The following MYT1L variants were observed in gnomAD, a reference collection of about 807,000 sequenced individuals.
MYT1L encodes myelin transcription factor 1-like protein.
In MYT1L, 12 loss-of-function variants were observed where a neutral mutation model predicts 126.7. That is an observed-to-expected ratio of 0.09 (90% CI 0.06 to 0.15). MYT1L has a LOEUF of 0.15. Ranked by LOEUF, MYT1L falls within the 10% of genes least tolerant of loss-of-function variation. The pLI, the probability that MYT1L is intolerant of heterozygous loss-of-function variation, is 1.00. For synonymous variants in MYT1L, 541 were observed against 604.2 expected, an observed-to-expected ratio of 0.90 and a Z score of 1.53; for missense variants, 979 against 1,585.2, an observed-to-expected ratio of 0.62 and a Z score of 6.49.
intron 2 of MYT1L, among the ~76,000 whole-genome samples, chr2:2,229,291 A>G (rs551966568): frequency 6.6e-6 from 1 of 152,216 alleles, no homozygotes; most frequent in East Asian, 1.9e-4. Flanking sequence ...ATCCCTATAT[A>G]TAAAAATAAA....
chr2:2,308,735 T>C (rs547053402), intron 1 of MYT1L, among the ~76,000 whole-genome samples: 1 of 152,034 alleles, frequency 6.6e-6, no homozygotes, highest in South Asian at 2.1e-4. Context: ...ATATTCTACC[T>C]ACACTCTACC....
At chr2:1,873,649 C>T (rs1573083117) in intron 18 of MYT1L, among the ~76,000 whole-genome samples, 1 of 152,206 alleles carries the variant, frequency 6.6e-6, no homozygotes, top group South Asian at 2.1e-4. Flanking sequence ...TCTGGGTGCA[C>T]AGAAAGCCCC....
intron 2 of MYT1L, among the ~76,000 whole-genome samples, chr2:2,190,201 A>AG (rs2092502263): frequency 1.3e-5 from 2 of 152,138 alleles, no homozygotes; most frequent in South Asian, 4.1e-4. Context: ...TCATGCCTGT[A>AG]GTCCCAGCAC....
At position 1,840,856 on chromosome 2, in the gene MYT1L, C is replaced by A; in HGVS notation, c.2775-13G>T. The A allele has an allele frequency of 1.3e-6, 2 of 1,513,420 alleles. No homozygotes were observed. Among genetic ancestry groups the A allele is most frequent in the Non-Finnish European group, 1.8e-6 (2 of 1,116,202 alleles). The allele number at this position is 1,513,420 out of a possible 1,614,324, so 93.7% of individuals were successfully genotyped here. A position where few individuals can be genotyped will look rare whatever the true frequency, so the allele number is the denominator to read the frequency against. ...GCAACCTGAAAGGCTAAATAAGAAA[C>A]ACATTTCAGAAAGCACCCCACACCG... On this transcript the variant is annotated splice_polypyrimidine_tract_variant and intron_variant, in intron 19 of 24. Transcript: ENST00000647738.
chr2:2,083,995 G>T (rs2076107841), intron 3 of MYT1L, among the ~76,000 whole-genome samples: 1 of 151,768 alleles, frequency 6.6e-6, no homozygotes, highest in East Asian at 2.0e-4. Context: ...GTAAGCCCAT[G>T]TGCTGATGCC....
At chr2:1,951,213 T>C (rs528576679) in intron 8 of MYT1L, among the ~76,000 whole-genome samples, 1 of 152,190 alleles carries the variant, frequency 6.6e-6, no homozygotes, top group East Asian at 1.9e-4. Flanking sequence ...AAGTGTTGGT[T>C]TGGGGCAGTC....
At chr2:2,109,813 GA>G (rs1359008789) in intron 3 of MYT1L, among the ~76,000 whole-genome samples, 2 of 135,186 alleles carry the variant, frequency 1.5e-5, no homozygotes, top group African/African-American at 2.8e-5. Context: ...TGCACACAAA[GA>G]AAAAACTAGC....
intron 1 of MYT1L, among the ~76,000 whole-genome samples, chr2:2,292,077 C>T (rs552824088): frequency 6.6e-6 from 1 of 152,276 alleles, no homozygotes; most frequent in South Asian, 2.1e-4. Flanking sequence ...CTCTGCTTCC[C>T]TCTGTTGGTG....
chr2:2,008,084 G>A (rs1434892799), intron 4 of MYT1L, among the ~76,000 whole-genome samples: 2 of 152,142 alleles, frequency 1.3e-5, no homozygotes, highest in African/African-American at 4.8e-5. Context: ...ATGGCTCCAT[G>A]TGGACCCCCC....
Position 1,791,632 on chromosome 2 carries a change from C to T in MYT1L, c.*235G>A. On this transcript the variant is annotated 3_prime_UTR_variant, in exon 25 of 25. Coordinates refer to ENST00000647738, the MANE Select transcript of MYT1L (RefSeq NM_001303052.2). The surrounding 1 kb of genome is among the most constrained non-coding windows in gnomAD (Gnocchi z 6.0). ...CATACATCAGCAGCTATAAACATTACATGGCAGAACACTATGTCAGCTTAC... is the reference window on the plus strand; with the variant it reads ...CATACATCAGCAGCTATAAACATTATATGGCAGAACACTATGTCAGCTTAC... The T allele has an allele frequency of 2.0e-6, 1 of 489,718 alleles. No homozygotes were observed. The highest frequency in any genetic ancestry group is 3.2e-5 in the South Asian group (1 of 31,088). The allele number at this position is 489,718 out of a possible 1,614,324, so 30.3% of individuals were successfully genotyped here.
chr2:2,189,514 CT>C (rs1038343698), intron 2 of MYT1L, among the ~76,000 whole-genome samples: 53 of 152,236 alleles, frequency 3.5e-4, no homozygotes, highest in African/African-American at 1.0e-3. Flanking sequence ...CAATAAATGT[CT>C]TTTTTATGGA....
At chr2:2,221,191 G>C (rs1367282635) in intron 2 of MYT1L, among the ~76,000 whole-genome samples, 1 of 152,156 alleles carries the variant, frequency 6.6e-6, no homozygotes, top group African/African-American at 2.4e-5. Context: ...ACTTTGGAAC[G>C]CTTCCTGAAG....
At chr2:2,248,109 G>A (rs571468276) in intron 2 of MYT1L, among the ~76,000 whole-genome samples, 6 of 150,274 alleles carry the variant, frequency 4.0e-5, no homozygotes, top group African/African-American at 1.5e-4. Context: ...TTTTAAAAAG[G>A]TAAACAAAAC....
chr2:2,105,983 T>C (rs2078705175), intron 3 of MYT1L, among the ~76,000 whole-genome samples: 1 of 152,136 alleles, frequency 6.6e-6, no homozygotes, highest in Admixed American at 6.5e-5. Context: ...TGCATTTCTT[T>C]AAAGCACGTG....
intron 2 of MYT1L, among the ~76,000 whole-genome samples, chr2:2,214,908 A>G (rs2093635492): frequency 1.3e-5 from 2 of 152,218 alleles, no homozygotes; most frequent in Admixed American, 1.3e-4. Context: ...ATATAAAAAT[A>G]AAATGTATGA....
chr2:1,909,663 ATTC>A (rs2051614554), intron 13 of MYT1L, among the ~76,000 whole-genome samples: 1 of 152,162 alleles, frequency 6.6e-6, no homozygotes, highest in Non-Finnish European at 1.5e-5. Flanking sequence ...CCACTGTAAC[ATTC>A]GGGTCAGTCA....
In MYT1L at chr2:1,809,020, C is replaced by T. The variant is rs76779761; in HGVS notation, c.3172+56G>A. 108,715 of 1,506,714 alleles carry T rather than the reference C, an allele frequency of 0.072. 4,337 individuals are homozygous for T. The highest frequency in any genetic ancestry group is 0.11 in the African/African-American group (8,188 of 72,872). The allele number at this position is 1,506,714 out of a possible 1,614,324, so 93.3% of individuals were successfully genotyped here. A position where few individuals can be genotyped will look rare whatever the true frequency, so the allele number is the denominator to read the frequency against. On this transcript the variant is annotated intron_variant, in intron 22 of 24. Coordinates refer to ENST00000647738, the MANE Select transcript of MYT1L (RefSeq NM_001303052.2). ...TCAAAGGACACACAGCTGGCATGGC[C>T]GTGCCCGCTGGGCCTTCCTGACCAT...
intron 3 of MYT1L, among the ~76,000 whole-genome samples, chr2:2,148,555 T>C (rs751151226): frequency 1.3e-5 from 2 of 152,188 alleles, no homozygotes; most frequent in Non-Finnish European, 2.9e-5. Flanking sequence ...ATGAGTATAA[T>C]AGGTGTTCCC....
intron 18 of MYT1L, among the ~76,000 whole-genome samples, chr2:1,880,464 A>G (rs1260611797): frequency 6.6e-6 from 1 of 152,168 alleles, no homozygotes. Context: ...CAGCCTCCTG[A>G]GTAGCTAGAA....
Sources: gnomAD v4.1 joint callset for allele counts (sites outside exome capture counted in the v4.1 genomes callset) on GRCh38, gnomAD v4.1.1 for gene constraint, Gnocchi (gnomAD v3.1) non-coding constraint, MANE v1.5 for transcripts, NCBI Gene and HGNC (gene_info 2026-07-23, HGNC 2026-07-21) for gene names.